Variants in SCHIP1 observed in about 807,000 individuals in gnomAD.
SCHIP1 encodes the protein schwannomin-interacting protein 1.
SCHIP1 carries 8 observed loss-of-function variants against 29.7 expected under a neutral mutation model. The ratio of observed to expected loss-of-function variants is 0.27; its 90% CI spans 0.16 to 0.49. SCHIP1 has a LOEUF of 0.49. Among genes scored for constraint, SCHIP1 ranks in the 20% least tolerant of loss-of-function variants. SCHIP1 has a pLI of 0.99. For synonymous variants in SCHIP1, 76 were observed against 94.9 expected, an observed-to-expected ratio of 0.80 and a Z score of 1.16; for missense variants, 193 against 294.6, an observed-to-expected ratio of 0.66 and a Z score of 2.52.
At chr3:159,466,038 T>A in the SCHIP1 span, among the ~76,000 whole-genome samples, 33,586 of 152,048 alleles carry the variant, frequency 0.22, 4,115 homozygotes, top group East Asian at 0.34. Flanking sequence ...ATAGAAAGGA[T>A]TTTTTTGAAA....
the SCHIP1 span, among the ~76,000 whole-genome samples, chr3:159,558,410 G>A: frequency 1.3e-5 from 2 of 152,172 alleles, no homozygotes; most frequent in African/African-American, 4.8e-5. Context: ...GCAGCAACCT[G>A]CTTCTTCTAG....
chr3:159,885,246 G>T (rs1162677664), intron 2 of SCHIP1, among the ~76,000 whole-genome samples: 1 of 152,120 alleles, frequency 6.6e-6, no homozygotes, highest in Non-Finnish European at 1.5e-5. Flanking sequence ...GCTTCCTTGG[G>T]ATCTTTTCTT....
chr3:159,774,357 C>T, the SCHIP1 span, among the ~76,000 whole-genome samples: 78 of 152,178 alleles, frequency 5.1e-4, no homozygotes, highest in East Asian at 0.015. Context: ...ATCTTCCTGT[C>T]TTCTGAAAAT....
the SCHIP1 span, among the ~76,000 whole-genome samples, chr3:159,829,519 G>A: frequency 5.3e-5 from 8 of 152,268 alleles, no homozygotes; most frequent in Non-Finnish European, 8.8e-5. Context: ...AGAATATAAC[G>A]TTTCAGCCCA....
At chr3:159,594,957 C>T in the SCHIP1 span, among the ~76,000 whole-genome samples, 1 of 152,114 alleles carries the variant, frequency 6.6e-6, no homozygotes, top group Non-Finnish European at 1.5e-5. Context: ...TCTTAAAATG[C>T]CCCAAATCCC....
chr3:159,603,957 C>T, the SCHIP1 span, among the ~76,000 whole-genome samples: 2 of 152,078 alleles, frequency 1.3e-5, no homozygotes, highest in South Asian at 2.1e-4. Flanking sequence ...ATCACTAACC[C>T]ACTCCCTTGA....
At chr3:159,337,417 G>C in the SCHIP1 span, among the ~76,000 whole-genome samples, 1 of 152,136 alleles carries the variant, frequency 6.6e-6, no homozygotes, top group Non-Finnish European at 1.5e-5. Context: ...GTCCTTGTTT[G>C]CAGATGACAT....
the SCHIP1 span, among the ~76,000 whole-genome samples, chr3:159,698,936 G>A: frequency 7.2e-5 from 11 of 152,168 alleles, no homozygotes; most frequent in South Asian, 2.1e-4. Context: ...GTGAGCCACC[G>A]CACTGGTCTG....
At chr3:159,736,137 A>G in the SCHIP1 span, among the ~76,000 whole-genome samples, 1 of 152,204 alleles carries the variant, frequency 6.6e-6, no homozygotes, top group Non-Finnish European at 1.5e-5. Context: ...AAGTATGGAT[A>G]TGTTTCTAAG....
chr3:159,869,988 A>C (rs1715079102), intron 2 of SCHIP1, among the ~76,000 whole-genome samples: 1 of 151,968 alleles, frequency 6.6e-6, no homozygotes, highest in Non-Finnish European at 1.5e-5. Flanking sequence ...TGCTATTCTG[A>C]TAAATTCTCT....
At chr3:159,599,488 G>A in the SCHIP1 span, among the ~76,000 whole-genome samples, 2 of 152,186 alleles carry the variant, frequency 1.3e-5, no homozygotes, top group South Asian at 2.1e-4. Context: ...ATTTATGACT[G>A]AGAACATGCA....
At chr3:159,807,603 T>C in the SCHIP1 span, among the ~76,000 whole-genome samples, 2 of 152,198 alleles carry the variant, frequency 1.3e-5, no homozygotes, top group Non-Finnish European at 2.9e-5. Context: ...ATAATTTATG[T>C]GTGTGTTTGT....
At chr3:159,780,580 A>G in the SCHIP1 span, among the ~76,000 whole-genome samples, 6 of 152,308 alleles carry the variant, frequency 3.9e-5, no homozygotes, top group Admixed American at 3.9e-4. Context: ...AAATAAACAC[A>G]CCAAGTGAAA....
At chr3:159,273,637 G>T in the SCHIP1 span, 1 of 1,335,116 alleles carries the variant, frequency 7.5e-7, no homozygotes, top group Non-Finnish European at 9.6e-7. Flanking sequence ...AATCTACTTT[G>T]AGCTGCTTGA....
At chr3:159,488,253 A>G in the SCHIP1 span, among the ~76,000 whole-genome samples, 1 of 152,182 alleles carries the variant, frequency 6.6e-6, no homozygotes, top group Non-Finnish European at 1.5e-5. Context: ...AGAATGAATA[A>G]GATCTAGTAT....
At chr3:159,719,965 A>T in the SCHIP1 span, among the ~76,000 whole-genome samples, 1 of 152,164 alleles carries the variant, frequency 6.6e-6, no homozygotes, top group Non-Finnish European at 1.5e-5. Flanking sequence ...ACAATAGCAA[A>T]GACTTGGAAC....
At chr3:159,432,458 TTC>T in the SCHIP1 span, among the ~76,000 whole-genome samples, 4 of 152,070 alleles carry the variant, frequency 2.6e-5, no homozygotes, top group Non-Finnish European at 5.9e-5. Context: ...TTCTACTGCA[TTC>T]TGTTAGTTAG....
chr3:159,466,732 G>A, the SCHIP1 span, among the ~76,000 whole-genome samples: 29 of 152,118 alleles, frequency 1.9e-4, no homozygotes, highest in African/African-American at 7.0e-4. Context: ...GGCTGACTGA[G>A]GAATAGGGTT....
chr3:159,360,150 A>C, the SCHIP1 span, among the ~76,000 whole-genome samples: 1 of 152,342 alleles, frequency 6.6e-6, no homozygotes, highest in African/African-American at 2.4e-5. Flanking sequence ...AAACATCATA[A>C]GGAGCCCAGG....
Sources: gnomAD v4.1 joint callset for allele counts (sites outside exome capture counted in the v4.1 genomes callset) on GRCh38, gnomAD v4.1.1 for gene constraint, MANE v1.5 for transcripts, NCBI Gene and HGNC (gene_info 2026-07-23, HGNC 2026-07-21) for gene names.